The following RGS11 variants were observed in gnomAD, a reference collection of about 807,000 sequenced individuals.
RGS11 encodes the protein regulator of G-protein signaling 11.
RGS11 carries 86 observed loss-of-function variants against 71.1 expected under a neutral mutation model. The observed-to-expected ratio is 1.21, with a 90% CI of 1.02 to 1.45. RGS11 has a LOEUF of 1.45. Ranked by LOEUF, RGS11 falls within the 40% of genes most tolerant of loss-of-function variation. RGS11 has a pLI of 0.00. For synonymous variants in RGS11, 298 were observed against 254.2 expected, an observed-to-expected ratio of 1.17 and a Z score of -1.64; for missense variants, 734 against 635.1, an observed-to-expected ratio of 1.16 and a Z score of -1.67.
chr16:275,135 G>A, intron 3 of RGS11, 53 bp from the exon 4 acceptor site: 1 of 1,503,934 alleles, frequency 6.6e-7, no homozygotes, highest in Non-Finnish European at 8.9e-7. Flanking sequence ...GCGAGGGCGG[G>A]ACGAGCCGGG....
intron 13 of RGS11, 74 bp from the exon 14 acceptor site, chr16:270,905 C>T: frequency 6.3e-7 from 1 of 1,577,720 alleles, no homozygotes; most frequent in Non-Finnish European, 8.7e-7. Context: ...TCCCAGGGAG[C>T]TGGTGGAAAC....
Position 272,937 on chromosome 16 carries a change from G to A in RGS11, c.589-6C>T, listed in dbSNP as rs1408062283. 1.3e-6 allele frequency: 2 copies of A among 1,491,954 alleles called. No individual in the cohort carries two copies. Among genetic ancestry groups the A allele is most frequent in the Admixed American group, 2.2e-5 (1 of 44,718 alleles). 92.4% of individuals were successfully genotyped at this position (1,491,954 alleles called of 1,614,324 possible). On this transcript the variant is annotated splice_polypyrimidine_tract_variant and splice_region_variant and intron_variant, in intron 8 of 16. Coordinates refer to ENST00000397770, the MANE Select transcript of RGS11 (RefSeq NM_183337.3). ...AGCACATCGGGGGCCCCGGGCTGCGGAGGGGAGACGAGATGAGGTGGGGAT... is the reference window on the plus strand; with the variant it reads ...AGCACATCGGGGGCCCCGGGCTGCGAAGGGGAGACGAGATGAGGTGGGGAT...
chr16:272,750 G>GTGCCC (rs2051993147), intron 9 of RGS11, 113 bp downstream of exon 9: 1 of 1,513,022 alleles, frequency 6.6e-7, no homozygotes, highest in African/African-American at 1.4e-5. Context: ...GCTGCACCAA[G>GTGCCC]TGCCCTCTGG....
chr16:269,149 C>T lies in RGS11; in HGVS notation c.*120G>A. The T allele has an allele frequency of 1.1e-6, 1 of 937,070 alleles. No homozygotes were observed. Among genetic ancestry groups the T allele is most frequent in the Non-Finnish European group, 1.7e-6 (1 of 590,988 alleles). The allele number at this position is 937,070 out of a possible 1,614,324, so 58.0% of individuals were successfully genotyped here. ...CACAGAAGACTGGGCCCCCTGGGCACAAGGGGACACTGGTGCTGGGTTCAG... is the reference window on the plus strand; with the variant it reads ...CACAGAAGACTGGGCCCCCTGGGCATAAGGGGACACTGGTGCTGGGTTCAG... On this transcript the variant is annotated 3_prime_UTR_variant, in exon 17 of 17. Transcript: ENST00000397770.
chr16:274,734 G>A (rs754060235), intron 4 of RGS11: 7 of 701,914 alleles, frequency 1.0e-5, no homozygotes, highest in Admixed American at 2.0e-5. Context: ...CCCTTGTGGG[G>A]CCCTGCTGTG....
At chr16:269,659 C>G in intron 15 of RGS11, 74 bp from the exon 16 acceptor site, 1 of 1,198,044 alleles carries the variant, frequency 8.3e-7, no homozygotes, top group Non-Finnish European at 1.2e-6. Flanking sequence ...GAAGGAGCAG[C>G]CAAACATTGC....
chr16:270,111 T>A (rs1046038296), intron 15 of RGS11, among the ~76,000 whole-genome samples: 1 of 151,672 alleles, frequency 6.6e-6, no homozygotes, highest in Non-Finnish European at 1.5e-5. Context: ...TAGCCGGGCG[T>A]GGTGGCGGGC....
chr16:270,211 T>C (rs1279603188), intron 15 of RGS11, among the ~76,000 whole-genome samples: 1 of 152,026 alleles, frequency 6.6e-6, no homozygotes, highest in Non-Finnish European at 1.5e-5. Flanking sequence ...ATCCCGCCAC[T>C]GCACTCCAGC....
chr16:275,574 G>C, intron 1 of RGS11, 76 bp from the exon 2 acceptor site: 2 of 1,260,952 alleles, frequency 1.6e-6, no homozygotes, highest in Non-Finnish European at 2.2e-6. Flanking sequence ...GGGATGCCCC[G>C]GATCCGGGAG....
Position 271,385 on chromosome 16 carries a change from C to T in RGS11, c.749+14G>A, listed in dbSNP as rs765661748. ...CAGCAGGGGTCTCCAGCTGCCACCC[C>T]TCACCCCACTCACGCCTCAAGGCAG... On this transcript the variant is annotated intron_variant, in intron 11 of 16. Coordinates refer to ENST00000397770, the MANE Select transcript of RGS11 (RefSeq NM_183337.3). The T allele has an allele frequency of 1.2e-6, 2 of 1,613,518 alleles. No homozygotes were observed. Among genetic ancestry groups the T allele is most frequent in the Admixed American group, 3.3e-5 (2 of 60,014 alleles).
rs1325897903 is a variant in RGS11 at position 272,875 on chromosome 16, G to C, written c.645C>G (p.Ser215Arg). ...CGCAGGGGCTCACCATGAGCACACG[G>C]CTGGCAGCGCAGGATCCCCGCCCTG... ...QGPGRGSCAASRVLMTKSADF... is the reference protein window; with the variant it reads ...QGPGRGSCAARRVLMTKSADF... The change falls in exon 9 of 17, where the codon AGC becomes AGG. Residue 215 changes from serine (S) to arginine (R), a missense_variant. By Grantham distance (110) the Ser-to-Arg change is moderately radical. Coordinates refer to ENST00000397770, the MANE Select transcript of RGS11 (RefSeq NM_183337.3). 9 of 1,540,996 alleles carry C rather than the reference G, an allele frequency of 5.8e-6. No individual in the cohort carries two copies. Among genetic ancestry groups the C allele is most frequent in the Non-Finnish European group, 7.9e-6 (9 of 1,143,978 alleles).
At chr16:270,117 C>T (rs534572058) in intron 15 of RGS11, among the ~76,000 whole-genome samples, 18 of 152,084 alleles carry the variant, frequency 1.2e-4, no homozygotes, top group East Asian at 2.0e-4. Context: ...GGCGTGGTGG[C>T]GGGCGCCTGT....
chr16:273,161 C>A (rs1397118960), intron 8 of RGS11, among the ~76,000 whole-genome samples: 1 of 152,184 alleles, frequency 6.6e-6, no homozygotes, highest in Non-Finnish European at 1.5e-5. Context: ...TCGGTCCCCC[C>A]ACTGCAGCCA....
chr16:271,107 G>A lies in RGS11; in HGVS notation c.864-8C>T. 1 of 1,610,022 alleles carries A rather than the reference G, an allele frequency of 6.2e-7. No homozygotes were observed. Among genetic ancestry groups the A allele is most frequent in the Non-Finnish European group, 8.5e-7 (1 of 1,178,174 alleles). ...TTCGTGGGGGCAGCCACCCTGGGGAGAGGGCAGGGCTGTTGGGGAGGGTGG... is the reference window on the plus strand; with the variant it reads ...TTCGTGGGGGCAGCCACCCTGGGGAAAGGGCAGGGCTGTTGGGGAGGGTGG... On this transcript the variant is annotated splice_region_variant and splice_polypyrimidine_tract_variant and intron_variant, in intron 12 of 16. Transcript: ENST00000397770.
Position 273,805 on chromosome 16 carries a change from T to G in RGS11, c.461A>C (p.Asn154Thr), listed in dbSNP as rs147630752. ...CATCAGCACCAGGTCCCATGCGTGG[T>G]TGATCTTCTTGTGTAGCCGGTCATA... ...DCYDRLHKKI[N>T]HAWDLVLMQA... Residue 154 changes from asparagine to threonine, a missense_variant, in exon 7 of 17, where the codon AAC (asparagine) becomes ACC (threonine). Coordinates refer to ENST00000397770, the MANE Select transcript of RGS11 (RefSeq NM_183337.3). 5.6e-6 allele frequency: 9 copies of G among 1,613,246 alleles called. No individual in the cohort carries two copies. In the African/African-American group the frequency reaches 1.2e-4, roughly 21 times the overall value.
intron 3 of RGS11, 68 bp from the exon 4 acceptor site, chr16:275,150 C>A: frequency 6.5e-7 from 1 of 1,534,954 alleles, no homozygotes; most frequent in Admixed American, 1.9e-5. Flanking sequence ...GCCGGGCCTC[C>A]TCTCCCCTAT....
rs1476303495 is a variant in RGS11 at position 270,665 on chromosome 16, G to C, written c.1068-4C>G. The C allele has an allele frequency of 6.2e-7, 1 of 1,610,182 alleles. No homozygotes were observed. Among genetic ancestry groups the C allele is most frequent in the Non-Finnish European group, 8.5e-7 (1 of 1,178,966 alleles). On this transcript the variant is annotated splice_region_variant and splice_polypyrimidine_tract_variant and intron_variant, in intron 14 of 16. Coordinates refer to ENST00000397770, the MANE Select transcript of RGS11 (RefSeq NM_183337.3). ...AGCTCCGGGGGCCAGGAACTGCCTA[G>C]GGGTGGGGACAGCACTGGGTAGTCT...
chr16:274,192 G>A, intron 5 of RGS11, 22 bp downstream of exon 5: 1 of 1,604,622 alleles, frequency 6.2e-7, no homozygotes, highest in Non-Finnish European at 8.5e-7. Flanking sequence ...ACTTGTCTGG[G>A]GCCAGCCGTC....
chr16:270,458 G>A (rs1955204551), intron 15 of RGS11, 65 bp downstream of exon 15: 4 of 1,509,732 alleles, frequency 2.6e-6, no homozygotes, highest in Non-Finnish European at 3.6e-6. Context: ...AGCCCTTGAG[G>A]GTGGGGACAT....
Sources: allele counts gnomAD v4.1 joint callset (sites outside exome capture counted in the v4.1 genomes callset), GRCh38; gene constraint gnomAD v4.1.1; transcripts MANE v1.5; gene names NCBI Gene and HGNC (gene_info 2026-07-23, HGNC 2026-07-21).